The following IQGAP1 variants were observed in gnomAD, a reference collection of about 807,000 sequenced individuals.
IQGAP1 encodes IQ motif containing GTPase activating protein 1.
A neutral mutation model predicts 215.6 loss-of-function variants in IQGAP1; 66 were observed. The ratio of observed to expected loss-of-function variants is 0.31; its 90% CI spans 0.25 to 0.38. IQGAP1 has a LOEUF of 0.38. Among genes scored for constraint, IQGAP1 ranks in the 10% least tolerant of loss-of-function variants. The pLI is 1.00. For missense variants in IQGAP1, 1,712 were observed against 1,997.1 expected, an observed-to-expected ratio of 0.86 and a Z score of 2.72; for synonymous variants, 772 against 728.7, an observed-to-expected ratio of 1.06 and a Z score of -0.96.
intron 1 of IQGAP1, among the ~76,000 whole-genome samples, chr15:90,388,750 T>C (rs958689035): frequency 2.6e-5 from 4 of 151,056 alleles, no homozygotes; most frequent in Admixed American, 2.6e-4. Flanking sequence ...GGATTGGGGG[T>C]CTGGGTACGC....
intron 2 of IQGAP1, among the ~76,000 whole-genome samples, chr15:90,398,763 G>C (rs1183971752): frequency 6.6e-6 from 1 of 152,110 alleles, no homozygotes; most frequent in Non-Finnish European, 1.5e-5. Flanking sequence ...AGCACTTTGG[G>C]AGGCCAAGGC....
intron 18 of IQGAP1, 53 bp from the exon 19 acceptor site, chr15:90,472,787 C>G: frequency 6.5e-7 from 1 of 1,529,972 alleles, no homozygotes; most frequent in Non-Finnish European, 8.9e-7. Context: ...TCGTGAAAAC[C>G]TGCATCCATT....
chr15:90,474,476 TTC>T lies in IQGAP1; in HGVS notation c.2576-7_2576-6del. The stretch of plus-strand genomic sequence containing the variant: ...CTAACTCCATTCTTTGATGCATACT[TTC>T]TGTCAGTCAATGCTGAGGATCCTCC... On this transcript the variant is annotated splice_polypyrimidine_tract_variant and splice_region_variant and intron_variant, in intron 22 of 37. Coordinates refer to ENST00000268182, the MANE Select transcript of IQGAP1 (RefSeq NM_003870.4). 6.2e-7 allele frequency: 1 copy of T among 1,609,844 alleles called. No individual in the cohort carries two copies. The highest frequency in any genetic ancestry group is 8.5e-7 in the Non-Finnish European group (1 of 1,176,128).
intron 2 of IQGAP1, among the ~76,000 whole-genome samples, chr15:90,412,512 T>A (rs556260404): frequency 6.6e-6 from 1 of 152,200 alleles, no homozygotes; most frequent in Non-Finnish European, 1.5e-5. Context: ...TATCAGCACA[T>A]ACCACAAGTC....
intron 26 of IQGAP1, 125 bp from the exon 27 acceptor site, chr15:90,481,835 C>T (rs950465738): frequency 1.0e-5 from 10 of 974,578 alleles, no homozygotes; most frequent in Middle Eastern, 2.7e-4. Flanking sequence ...TTACCAGCCC[C>T]GTGAGGATGA....
In IQGAP1 at chr15:90,474,627, G is replaced by A. The variant is rs765837086; in HGVS notation, c.2718G>A (p.Leu906=). Residue 906 remains leucine (L), a synonymous_variant, in exon 23 of 38, where the codon CTG becomes CTA. Transcript: ENST00000268182. ...VITLIRSNQQ[L]ENDLNLMDIK... ...CCCTCATTCGTTCTAACCAGCAGCT[G>A]GAGAATGACCTCAATCTCATGGATA... 6.8e-6 allele frequency: 11 copies of A among 1,613,974 alleles called. No individual in the cohort carries two copies. The South Asian group carries it at 1.2e-4, about 18-fold the overall frequency.
intron 2 of IQGAP1, among the ~76,000 whole-genome samples, chr15:90,419,120 A>G: frequency 6.7e-6 from 1 of 149,038 alleles, no homozygotes; most frequent in Non-Finnish European, 1.5e-5. Context: ...ACACCACTAC[A>G]TAGACTCTGT....
At chr15:90,444,592 A>T (rs1965501258) in intron 9 of IQGAP1, among the ~76,000 whole-genome samples, 1 of 152,076 alleles carries the variant, frequency 6.6e-6, no homozygotes, top group Non-Finnish European at 1.5e-5. Flanking sequence ...CCTCCAAAAC[A>T]TATTTAAACA....
chr15:90,477,127 T>G lies in IQGAP1; in HGVS notation c.3001T>G (p.Phe1001Val). The change falls in exon 25 of 38, where the codon TTC (phenylalanine) becomes GTC (valine). Residue 1001 changes from phenylalanine (F) to valine (V), a missense_variant. Phe to Val is a conservative substitution (Grantham distance 50). Coordinates refer to ENST00000268182, the MANE Select transcript of IQGAP1 (RefSeq NM_003870.4). ...FQMPQNKSTK[F>V]MDSVIFTLYN... ...GATGCCCCAGAACAAGTCCACCAAG[T>G]TCATGGACTCTGTAATCTTCACACT... is the stretch of plus-strand genomic sequence containing the variant. The G allele has an allele frequency of 6.2e-7, 1 of 1,614,074 alleles. No individual in the cohort carries two copies.
chr15:90,492,812 G>C, intron 35 of IQGAP1, 101 bp downstream of exon 35: 1 of 882,056 alleles, frequency 1.1e-6, no homozygotes, highest in Non-Finnish European at 1.7e-6. Flanking sequence ...AAAATACACT[G>C]GATCTATTTA....
chr15:90,498,940 G>A (rs1966308041), intron 37 of IQGAP1, among the ~76,000 whole-genome samples: 1 of 152,110 alleles, frequency 6.6e-6, no homozygotes, highest in South Asian at 2.1e-4. Context: ...CTCCTGAGTA[G>A]CTGAGAATAT....
intron 2 of IQGAP1, among the ~76,000 whole-genome samples, chr15:90,407,503 C>A (rs1007357117): frequency 1.1e-4 from 16 of 152,068 alleles, no homozygotes; most frequent in Non-Finnish European, 1.5e-5. Flanking sequence ...AGGATAGTTT[C>A]TTATATAACA....
chr15:90,421,445 C>T (rs1330159594), intron 2 of IQGAP1, among the ~76,000 whole-genome samples: 1 of 145,648 alleles, frequency 6.9e-6, no homozygotes, highest in Non-Finnish European at 1.5e-5. Context: ...CACTGCACTT[C>T]AGCCTGGGCA....
chr15:90,481,247 T>G (rs556898647), intron 26 of IQGAP1, among the ~76,000 whole-genome samples: 2 of 150,400 alleles, frequency 1.3e-5, no homozygotes, highest in East Asian at 2.0e-4. Flanking sequence ...CCCTTCTGTG[T>G]GTACCAAAGC....
chr15:90,444,054 T>G (rs1347838935), intron 9 of IQGAP1, among the ~76,000 whole-genome samples: 1 of 149,378 alleles, frequency 6.7e-6, no homozygotes, highest in Middle Eastern at 3.4e-3. Context: ...ACAGTGAGAC[T>G]CTGTCTCAAA....
intron 3 of IQGAP1, among the ~76,000 whole-genome samples, chr15:90,429,095 T>C (rs964220211): frequency 3.9e-5 from 6 of 152,174 alleles, no homozygotes; most frequent in African/African-American, 1.2e-4. Flanking sequence ...TCAGGTGATC[T>C]GTCCACCTCG....
chr15:90,489,645 A>G (rs1044191032), intron 33 of IQGAP1, among the ~76,000 whole-genome samples: 4 of 152,202 alleles, frequency 2.6e-5, no homozygotes, highest in African/African-American at 4.8e-5. Flanking sequence ...CAAACTCTTG[A>G]GGCTGCACAG....
chr15:90,456,297 G>A lies in IQGAP1; in HGVS notation c.1758G>A (p.Ala586=), dbSNP rs187569996. 1.4e-4 allele frequency: 219 copies of A among 1,614,008 alleles called. 1 individual carries two copies. The East Asian group carries it at 4.5e-3, about 33-fold the overall frequency. Residue 586 remains alanine, a synonymous_variant, in exon 15 of 38, where the codon GCG becomes GCA. Transcript: ENST00000268182. ...ATTACCAAGACACGCTGATTAGAGCGAAGAGAGAGAAAGCCCAGGTGAGTG... is the reference window on the plus strand; with the variant it reads ...ATTACCAAGACACGCTGATTAGAGCAAAGAGAGAGAAAGCCCAGGTGAGTG... The part of the protein sequence containing the change: ...AQHYQDTLIR[A]KREKAQEIQD...
intron 2 of IQGAP1, among the ~76,000 whole-genome samples, chr15:90,411,535 T>C (rs1249623208): frequency 6.6e-6 from 1 of 152,170 alleles, no homozygotes; most frequent in Non-Finnish European, 1.5e-5. Context: ...TTTTGACATA[T>C]ATGGCTCTAG....
Sources: allele counts gnomAD v4.1 joint callset (sites outside exome capture counted in the v4.1 genomes callset), GRCh38; gene constraint gnomAD v4.1.1; transcripts MANE v1.5; gene names NCBI Gene and HGNC (gene_info 2026-07-23, HGNC 2026-07-21).